PCNX1: variants seen among roughly 807,000 people sequenced by gnomAD.
The protein encoded by PCNX1 is pecanex 1.
In PCNX1, 78 loss-of-function variants were observed where a neutral mutation model predicts 242.2. The ratio of observed to expected loss-of-function variants is 0.32; its 90% CI spans 0.27 to 0.39. The LOEUF is 0.39. Among genes scored for constraint, PCNX1 ranks in the 10% least tolerant of loss-of-function variants. The pLI, the probability that PCNX1 is intolerant of heterozygous loss-of-function variation, is 1.00. For missense variants in PCNX1, 2,581 were observed against 2,856.5 expected, an observed-to-expected ratio of 0.90 and a Z score of 2.20; for synonymous variants, 1,024 against 1,032.9, an observed-to-expected ratio of 0.99 and a Z score of 0.17.
At chr14:71,090,579 A>C (rs2062103346) in intron 30 of PCNX1, among the ~76,000 whole-genome samples, 3 of 152,238 alleles carry the variant, frequency 2.0e-5, no homozygotes, top group Non-Finnish European at 1.5e-5. Flanking sequence ...ATTTGGGATC[A>C]AATAGAATTG....
At chr14:71,107,230 TAAAG>T (rs2062650509) in intron 33 of PCNX1, among the ~76,000 whole-genome samples, 1 of 152,096 alleles carries the variant, frequency 6.6e-6, no homozygotes, top group African/African-American at 2.4e-5. Context: ...TACTTAAATG[TAAAG>T]ACATTTATTA....
intron 5 of PCNX1, among the ~76,000 whole-genome samples, chr14:70,976,012 T>C (rs1016857382): frequency 1.3e-5 from 2 of 152,348 alleles, no homozygotes; most frequent in African/African-American, 4.8e-5. Flanking sequence ...TACATCATTA[T>C]ATCTTGTTTA....
intron 28 of PCNX1, among the ~76,000 whole-genome samples, chr14:71,084,786 G>T (rs903253994): frequency 6.6e-6 from 1 of 152,208 alleles, no homozygotes; most frequent in Admixed American, 6.5e-5. Flanking sequence ...GCTGGGCTCC[G>T]TAGGGGTGGG....
At chr14:71,098,020 A>G (rs746615524) in intron 30 of PCNX1, among the ~76,000 whole-genome samples, 10 of 152,194 alleles carry the variant, frequency 6.6e-5, no homozygotes, top group African/African-American at 1.4e-4. Context: ...CAGCTACCCT[A>G]GCACCATTTA....
chr14:70,985,943 T>G (rs1056706950), intron 6 of PCNX1, among the ~76,000 whole-genome samples: 1 of 146,956 alleles, frequency 6.8e-6, no homozygotes, highest in African/African-American at 2.4e-5. Context: ...TTCTATAAAG[T>G]TAAACAATTC....
At chr14:71,108,045 C>CA in intron 33 of PCNX1, among the ~76,000 whole-genome samples, 1 of 152,156 alleles carries the variant, frequency 6.6e-6, no homozygotes. Context: ...AGTAGACCTC[C>CA]AGAGCTTGTT....
At chr14:71,058,602 A>G (rs956960368) in intron 26 of PCNX1, among the ~76,000 whole-genome samples, 1 of 152,218 alleles carries the variant, frequency 6.6e-6, no homozygotes, top group African/African-American at 2.4e-5. Flanking sequence ...TTTGACTAGA[A>G]AGAGAAGGAA....
At chr14:70,925,384 C>T (rs1416963468) in intron 1 of PCNX1, among the ~76,000 whole-genome samples, 2 of 152,142 alleles carry the variant, frequency 1.3e-5, no homozygotes, top group Non-Finnish European at 2.9e-5. Context: ...TTGTCTAGTT[C>T]CTTACTTTAA....
chr14:71,028,468 G>A (rs976045310), intron 15 of PCNX1, among the ~76,000 whole-genome samples: 2 of 151,634 alleles, frequency 1.3e-5, no homozygotes, highest in Non-Finnish European at 3.0e-5. Flanking sequence ...AATGTTTATT[G>A]CTTCCAAGAT....
Position 71,033,463 on chromosome 14 carries a change from T to C in PCNX1, c.3593T>C (p.Phe1198Ser). The stretch of plus-strand genomic sequence containing the variant: ...GATGGCCAGCATATTCCAGTACTTT[T>C]CTCCATTTTTTGTGGTTTATTAGTG... ...SWDGQHIPVL[F>S]SIFCGLLVAV... The change falls in exon 17 of 36, where the codon TTC (phenylalanine) becomes TCC (serine). Residue 1198 changes from phenylalanine to serine, a missense_variant. By Grantham distance (155) the Phe-to-Ser change is radical (BLOSUM62 -2). Coordinates refer to ENST00000304743, the MANE Select transcript of PCNX1 (RefSeq NM_014982.3). 1 of 1,608,348 alleles carries C rather than the reference T, an allele frequency of 6.2e-7. No homozygotes were observed. The highest frequency in any genetic ancestry group is 8.5e-7 in the Non-Finnish European group (1 of 1,174,998).
In PCNX1 at chr14:71,112,257, A is replaced by T. The variant is rs2062766444; in HGVS notation, c.*2322A>T. On this transcript the variant is annotated 3_prime_UTR_variant, in exon 36 of 36. Coordinates refer to ENST00000304743, the MANE Select transcript of PCNX1 (RefSeq NM_014982.3). ...CCTCCTCCAAAAAAATTTTAAACAC[A>T]TCACATACTCTGAAAAGTCAGATTT... 6.6e-6 allele frequency: 1 copy of T among 152,134 alleles called. No homozygotes were observed. The highest frequency in any genetic ancestry group is 1.5e-5 in the Non-Finnish European group (1 of 67,930). 9.4% of individuals were successfully genotyped at this position (152,134 alleles called of 1,614,324 possible).
intron 1 of PCNX1, among the ~76,000 whole-genome samples, chr14:70,939,121 C>T (rs1206173002): frequency 6.6e-6 from 1 of 152,108 alleles, no homozygotes; most frequent in Non-Finnish European, 1.5e-5. Flanking sequence ...TTTTTTGTGT[C>T]TCTGTCTCAT....
At chr14:71,034,102 G>A (rs2060466124) in intron 18 of PCNX1, 66 bp downstream of exon 18, 3 of 823,578 alleles carry the variant, frequency 3.6e-6, no homozygotes, top group Non-Finnish European at 2.0e-6. Context: ...TGTTATATGA[G>A]GAACACTTTT....
intron 7 of PCNX1, among the ~76,000 whole-genome samples, chr14:70,990,125 T>C (rs2059119734): frequency 6.6e-6 from 1 of 152,192 alleles, no homozygotes; most frequent in African/African-American, 2.4e-5. Flanking sequence ...TAAGACTTGC[T>C]TGTTTTCCTA....
chr14:71,107,627 T>C (rs2062660581), intron 33 of PCNX1, among the ~76,000 whole-genome samples: 1 of 152,198 alleles, frequency 6.6e-6, no homozygotes, highest in African/African-American at 2.4e-5. Flanking sequence ...TGAAAAAGGA[T>C]GCAGAAGAAC....
intron 8 of PCNX1, among the ~76,000 whole-genome samples, chr14:71,003,097 T>TG: frequency 6.8e-6 from 1 of 146,946 alleles, no homozygotes; most frequent in Non-Finnish European, 1.5e-5. Flanking sequence ...TTTTTTTTTT[T>TG]TTTGAGACAG....
At chr14:70,958,851 C>T (rs2058088735) in intron 2 of PCNX1, among the ~76,000 whole-genome samples, 1 of 143,850 alleles carries the variant, frequency 7.0e-6, no homozygotes, top group Non-Finnish European at 1.5e-5. Flanking sequence ...ACCCAAAAAC[C>T]TATGAGAGTT....
chr14:70,987,951 G>A (rs2059047934), intron 6 of PCNX1, among the ~76,000 whole-genome samples: 1 of 152,196 alleles, frequency 6.6e-6, no homozygotes, highest in African/African-American at 2.4e-5. Flanking sequence ...GTTGAATAAA[G>A]TTTGATGGTA....
intron 33 of PCNX1, 107 bp from the exon 34 acceptor site, chr14:71,108,497 A>G: frequency 1.3e-6 from 1 of 780,494 alleles, no homozygotes. Flanking sequence ...AAGTTCTGTC[A>G]GTTCACCAAT....
Sources: gnomAD v4.1 joint callset for allele counts (sites outside exome capture counted in the v4.1 genomes callset) on GRCh38, gnomAD v4.1.1 for gene constraint, MANE v1.5 for transcripts, NCBI Gene and HGNC (gene_info 2026-07-23, HGNC 2026-07-21) for gene names.